RIMKLB: variants seen among roughly 807,000 people sequenced by gnomAD.
RIMKLB encodes the protein ribosomal modification protein rimK like family member B.
A neutral mutation model predicts 32.0 loss-of-function variants in RIMKLB; 7 were observed. That is an observed-to-expected ratio of 0.22 (90% CI 0.12 to 0.41). RIMKLB has a LOEUF of 0.41. Among genes scored for constraint, RIMKLB ranks in the 10% least tolerant of loss-of-function variants. The pLI is 1.00. For synonymous variants in RIMKLB, 172 were observed against 185.1 expected (o/e 0.93, Z 0.57); for missense variants, 289 against 498.7 (o/e 0.58, Z 4.00).
intron 2 of RIMKLB, among the ~76,000 whole-genome samples, chr12:8,741,923 C>CTTTTTTTTT (rs145008488): frequency 6.8e-6 from 1 of 146,796 alleles, no homozygotes; most frequent in African/African-American, 2.6e-5. Context: ...AAAAGGAGAG[C>CTTTTTTTTT]TTTTTTTTTT....
In RIMKLB at chr12:8,776,970, A is replaced by C; in HGVS notation, c.*3186A>C. On this transcript the variant is annotated 3_prime_UTR_variant, in exon 6 of 6. Coordinates refer to ENST00000535829, the MANE Select transcript of RIMKLB (RefSeq NM_001297776.2). Reference sequence around the variant, plus strand: ...GGGGCTTAGAGACATTGTGAAATCAAATCTTGTGTTATACTTTTCTCCTGG... The same window carrying C: ...GGGGCTTAGAGACATTGTGAAATCACATCTTGTGTTATACTTTTCTCCTGG... 1.0e-6 allele frequency: 1 copy of C among 985,826 alleles called. No homozygotes were observed. The highest frequency in any genetic ancestry group is 1.2e-6 in the Non-Finnish European group (1 of 829,920). 61.1% of individuals were successfully genotyped at this position (985,826 alleles called of 1,614,324 possible).
intron 5 of RIMKLB, among the ~76,000 whole-genome samples, chr12:8,770,155 G>A (rs369597971): frequency 8.5e-5 from 13 of 152,072 alleles, no homozygotes; most frequent in African/African-American, 3.1e-4. Context: ...TAGAGACGGG[G>A]TTTCACCATG....
chr12:8,761,754 C>A (rs1254257631), intron 5 of RIMKLB, among the ~76,000 whole-genome samples: 1 of 152,152 alleles, frequency 6.6e-6, no homozygotes, highest in Non-Finnish European at 1.5e-5. Context: ...TCCCCCCTCT[C>A]AACAGGAAAA....
chr12:8,696,822 C>T (rs2136613492), upstream of RIMKLB, among the ~76,000 whole-genome samples: 1 of 152,264 alleles, frequency 6.6e-6, no homozygotes, highest in East Asian at 1.9e-4. Flanking sequence ...AAGTTGTTGG[C>T]TGAGGTCACT....
rs747731068 is a variant in RIMKLB, at chr12:8,776,709, T to C, written c.*2925T>C. 1.0e-6 allele frequency: 1 copy of C among 985,382 alleles called. No individual in the cohort carries two copies. Among genetic ancestry groups the C allele is most frequent in the East Asian group, 1.1e-4 (1 of 8,818 alleles). The allele number at this position is 985,382 out of a possible 1,614,324, so 61.0% of individuals were successfully genotyped here. On this transcript the variant is annotated 3_prime_UTR_variant, in exon 6 of 6. Coordinates refer to ENST00000535829, the MANE Select transcript of RIMKLB (RefSeq NM_001297776.2). ...TTTGGTGCCTATAATTGATTGGTCA[T>C]TTCTGCTGGCTTTTCTCCAATGAAC... is the stretch of plus-strand genomic sequence containing the variant.
At chr12:8,754,738 T>C (rs1948877954) in intron 5 of RIMKLB, among the ~76,000 whole-genome samples, 1 of 152,206 alleles carries the variant, frequency 6.6e-6, no homozygotes, top group Non-Finnish European at 1.5e-5. Context: ...TACAATGTGT[T>C]CTACCTGTAG....
intron 5 of RIMKLB, among the ~76,000 whole-genome samples, chr12:8,758,612 ATTC>A (rs1410623440): frequency 4.6e-5 from 7 of 152,188 alleles, no homozygotes; most frequent in African/African-American, 1.7e-4. Flanking sequence ...AATTGAAGAA[ATTC>A]TTCTCCACCC....
intron 2 of RIMKLB, among the ~76,000 whole-genome samples, chr12:8,725,757 A>G (rs1335894852): frequency 6.6e-6 from 1 of 152,224 alleles, no homozygotes; most frequent in East Asian, 1.9e-4. Context: ...GGTACACACC[A>G]AGTAGCACAG....
intron 2 of RIMKLB, among the ~76,000 whole-genome samples, chr12:8,722,047 G>T (rs746693572): frequency 2.6e-5 from 4 of 152,046 alleles, no homozygotes; most frequent in African/African-American, 7.2e-5. Context: ...CCTGGCCTAT[G>T]AGTGTTCTTA....
the RIMKLB span, among the ~76,000 whole-genome samples, chr12:8,676,010 C>T: frequency 6.6e-6 from 1 of 152,140 alleles, no homozygotes; most frequent in South Asian, 2.1e-4. Context: ...GAGAAACATG[C>T]TATAGCCATA....
At chr12:8,732,620 C>T (rs1474283675) in intron 2 of RIMKLB, among the ~76,000 whole-genome samples, 1 of 152,042 alleles carries the variant, frequency 6.6e-6, no homozygotes, top group Non-Finnish European at 1.5e-5. Flanking sequence ...CTATTGTATG[C>T]GTATCCTAAG....
chr12:8,763,337 G>A (rs756613661), intron 5 of RIMKLB, among the ~76,000 whole-genome samples: 2 of 152,280 alleles, frequency 1.3e-5, no homozygotes, highest in African/African-American at 4.8e-5. Context: ...TAACACTGGG[G>A]CTTGGGTTAG....
intron 2 of RIMKLB, among the ~76,000 whole-genome samples, chr12:8,749,504 G>T (rs1405095777): frequency 6.6e-6 from 1 of 152,148 alleles, no homozygotes; most frequent in Non-Finnish European, 1.5e-5. Context: ...CACTGCACCC[G>T]GCCCACTTAG....
intron 2 of RIMKLB, chr12:8,742,885 T>TC (rs1011471390): frequency 1.3e-4 from 22 of 175,672 alleles, no homozygotes; most frequent in South Asian, 2.9e-4. Flanking sequence ...TAACAGATTC[T>TC]CTGCACTGTG....
upstream of RIMKLB, chr12:8,679,753 G>T (rs1591585087): frequency 6.6e-6 from 1 of 152,278 alleles, no homozygotes; most frequent in East Asian, 1.9e-4. Context: ...CCAAGAAAAA[G>T]ATTTCTTCTC....
intron 2 of RIMKLB, among the ~76,000 whole-genome samples, chr12:8,724,083 G>A (rs564539921): frequency 1.3e-5 from 2 of 152,184 alleles, no homozygotes; most frequent in Admixed American, 1.3e-4. Flanking sequence ...CCCCCAAAAT[G>A]CTAGGTTTGT....
chr12:8,777,719 C>A, downstream of RIMKLB: 1 of 1,263,008 alleles, frequency 7.9e-7, no homozygotes, highest in Non-Finnish European at 1.0e-6. Flanking sequence ...CCCTTCTAAA[C>A]TCCCCTTCCC....
At chr12:8,759,658 C>G (rs909439812) in intron 5 of RIMKLB, among the ~76,000 whole-genome samples, 5 of 152,128 alleles carry the variant, frequency 3.3e-5, no homozygotes, top group African/African-American at 1.2e-4. Context: ...CCAACGACTA[C>G]TAAATGCCAA....
At position 8,713,871 on chromosome 12, in the gene RIMKLB, G is replaced by A. The variant is rs758374737; in HGVS notation, c.5G>A (p.Cys2Tyr). ...AGGAAGCACAAGCTGATCAAGATGTGTAGTTCTGTGGCTGCCAAGTTGTGG... is the reference window on the plus strand; with the variant it reads ...AGGAAGCACAAGCTGATCAAGATGTATAGTTCTGTGGCTGCCAAGTTGTGG... M[C>Y]SSVAAKLWFL... Residue 2 changes from cysteine to tyrosine, a missense_variant, in exon 2 of 6, where the codon TGT (cysteine) becomes TAT (tyrosine). Physicochemically the swap from Cys to Tyr is radical, Grantham distance 194 (BLOSUM62 -2). Coordinates refer to ENST00000535829, the MANE Select transcript of RIMKLB (RefSeq NM_001297776.2). 2 of 1,614,052 alleles carry A rather than the reference G, an allele frequency of 1.2e-6. No homozygotes were observed.
Sources: gnomAD v4.1 joint callset for allele counts (sites outside exome capture counted in the v4.1 genomes callset) on GRCh38, gnomAD v4.1.1 for gene constraint, MANE v1.5 for transcripts, NCBI Gene and HGNC (gene_info 2026-07-23, HGNC 2026-07-21) for gene names.